The following VPS13D variants were observed in gnomAD, a reference collection of about 807,000 sequenced individuals.
VPS13D encodes intermembrane lipid transfer protein VPS13D.
A neutral mutation model predicts 461.9 loss-of-function variants in VPS13D; 187 were observed. The ratio of observed to expected loss-of-function variants is 0.40; its 90% CI spans 0.36 to 0.46. The LOEUF (loss-of-function observed/expected upper bound fraction) is 0.46, where lower values mean the gene tolerates loss of function less well. VPS13D is among the 20% of genes least tolerant of loss of function. VPS13D has a pLI of 0.60. For synonymous variants in VPS13D, 1,951 were observed against 1,986.3 expected, an observed-to-expected ratio of 0.98 and a Z score of 0.47; for missense variants, 4,711 against 5,364.9, an observed-to-expected ratio of 0.88 and a Z score of 3.81.
At position 12,470,270 on chromosome 1, in the gene VPS13D, C is replaced by T. The variant is rs550823141; in HGVS notation, c.12662+9874C>T. Among the ~76,000 whole-genome samples, 9 of 152,288 alleles carry T rather than the reference C, an allele frequency of 5.9e-5. No individual in the cohort carries two copies. In the East Asian group the frequency reaches 7.7e-4, roughly 13 times the overall value. On this transcript the variant is annotated intron_variant, in intron 67 of 69. Coordinates refer to ENST00000620676, the MANE Select transcript of VPS13D (RefSeq NM_015378.4). Reference sequence around the variant, plus strand: ...CTGGCTAGAATCCATGGTAACCTCGCGGAGTAATGCCAGGATGGACAGAGG... The same window carrying T: ...CTGGCTAGAATCCATGGTAACCTCGTGGAGTAATGCCAGGATGGACAGAGG...
rs114861562 is a variant in VPS13D, at chr1:12,311,072, T to A, written c.6651-382T>A. Among the ~76,000 whole-genome samples the A allele has an allele frequency of 2.9e-3, 445 of 151,782 alleles. 1 individual carries two copies. The highest frequency in any genetic ancestry group is 5.8e-3 in the South Asian group (28 of 4,790). ...CTGGGACCACAAGTGCACACCACCA[T>A]GCCCAGTTAATTTTTGCATTTTTTG... On this transcript the variant is annotated intron_variant, in intron 27 of 69. Coordinates refer to ENST00000620676, the MANE Select transcript of VPS13D (RefSeq NM_015378.4).
intron 65 of VPS13D, among the ~76,000 whole-genome samples, chr1:12,454,633 A>G (rs1283788456): frequency 6.6e-6 from 1 of 152,194 alleles, no homozygotes; most frequent in Non-Finnish European, 1.5e-5. Flanking sequence ...ACTCACTGTC[A>G]CATGTGTCAA....
intron 65 of VPS13D, among the ~76,000 whole-genome samples, chr1:12,453,600 C>T (rs1645290826): frequency 6.6e-6 from 1 of 152,180 alleles, no homozygotes; most frequent in Non-Finnish European, 1.5e-5. Flanking sequence ...TAATTCTAAA[C>T]ATAGCAGGCA....
chr1:12,411,083 T>C (rs1289998122), intron 63 of VPS13D, among the ~76,000 whole-genome samples: 1 of 152,228 alleles, frequency 6.6e-6, no homozygotes, highest in Non-Finnish European at 1.5e-5. Flanking sequence ...CTTTCACCGT[T>C]ACACGGGAGT....
chr1:12,256,156 C>A, intron 7 of VPS13D, 177 bp from the exon 8 acceptor site: 1 of 634,106 alleles, frequency 1.6e-6, no homozygotes, highest in East Asian at 3.0e-5. Flanking sequence ...TAGTGAGATC[C>A]TGTCCCTATA....
At chr1:12,503,960 C>T (rs528414648) in intron 68 of VPS13D, among the ~76,000 whole-genome samples, 6 of 152,120 alleles carry the variant, frequency 3.9e-5, no homozygotes, top group South Asian at 2.1e-4. Context: ...GGAAAGGGAA[C>T]GGAAGAAGGT....
At chr1:12,271,406 C>G (rs1248838208) in intron 17 of VPS13D, among the ~76,000 whole-genome samples, 1 of 152,170 alleles carries the variant, frequency 6.6e-6, no homozygotes, top group Non-Finnish European at 1.5e-5. Context: ...CTATGGCTCA[C>G]ACCTGTAATC....
At chr1:12,386,475 T>G (rs556835792) in intron 60 of VPS13D, 141 bp downstream of exon 60, 1 of 1,015,666 alleles carries the variant, frequency 9.8e-7, no homozygotes, top group Non-Finnish European at 1.4e-6. Context: ...TGTGAAATAG[T>G]TGTTTCTACC....
At chr1:12,300,161 A>G (rs1453915564) in intron 25 of VPS13D, among the ~76,000 whole-genome samples, 2 of 148,182 alleles carry the variant, frequency 1.3e-5, no homozygotes, top group African/African-American at 2.5e-5. Flanking sequence ...TGGATACTCA[A>G]TGTTTAGCTC....
At chr1:12,400,072 G>A in intron 60 of VPS13D, 109 bp from the exon 61 acceptor site, 1 of 1,235,638 alleles carries the variant, frequency 8.1e-7, no homozygotes, top group Non-Finnish European at 1.1e-6. Context: ...AATGACAAGG[G>A]TACTTTCTGA....
chr1:12,461,617 G>A (rs1645413845), intron 67 of VPS13D, among the ~76,000 whole-genome samples: 2 of 152,158 alleles, frequency 1.3e-5, no homozygotes, highest in Admixed American at 6.5e-5. Context: ...TTCCATCTCT[G>A]CTCGAAGCCC....
chr1:12,508,280 G>A (rs1254394735), intron 69 of VPS13D, among the ~76,000 whole-genome samples: 5 of 152,290 alleles, frequency 3.3e-5, no homozygotes, highest in Admixed American at 6.5e-5. Context: ...TCCTTCATCA[G>A]CCATCACCAG....
At position 12,299,685 on chromosome 1, in the gene VPS13D, C is replaced by G. The variant is rs899223005; in HGVS notation, c.6216+301C>G. Among the ~76,000 whole-genome samples, 1 of 152,122 alleles carries G rather than the reference C, an allele frequency of 6.6e-6. No individual in the cohort carries two copies. The highest frequency in any genetic ancestry group is 2.4e-5 in the African/African-American group (1 of 41,400). ...AACTCTTAGTAAATGTAGGTAGTAA[C>G]TTGTTTTAGCAAACAAACCAATGGA... On this transcript the variant is annotated intron_variant, in intron 25 of 69. Transcript: ENST00000620676. This position sits in a 1 kb window ranked among gnomAD's most constrained non-coding sequence, Gnocchi z 4.2.
rs568588017 is a variant in VPS13D at position 12,355,371 on chromosome 1, G to A, written c.9680-528G>A. Among the ~76,000 whole-genome samples, 7 of 152,288 alleles carry A rather than the reference G, an allele frequency of 4.6e-5. No homozygotes were observed. In the East Asian group the frequency reaches 1.3e-3, roughly 29 times the overall value. On this transcript the variant is annotated intron_variant, in intron 47 of 69. Transcript: ENST00000620676. ...TGCAACACTTGAAACAAAGAGGAAT[G>A]GTGATCATGGTTAACAATATTGTAT...
intron 67 of VPS13D, among the ~76,000 whole-genome samples, chr1:12,493,835 ACT>A (rs1273008200): frequency 2.0e-5 from 3 of 151,854 alleles, no homozygotes; most frequent in African/African-American, 7.3e-5. Context: ...GACTTCAAAT[ACT>A]CTCCCCCTAC....
Position 12,401,743 on chromosome 1 carries a change from T to C in VPS13D, c.11881+39T>C, listed in dbSNP as rs777904686. ...TTCTATGTCTGTGTTTGGGAATTGGTCCAAAGATGGTATTTTTGAGTCTGT... is the reference window on the plus strand; with the variant it reads ...TTCTATGTCTGTGTTTGGGAATTGGCCCAAAGATGGTATTTTTGAGTCTGT... On this transcript the variant is annotated intron_variant, in intron 62 of 69. Transcript: ENST00000620676. 4 of 1,545,848 alleles carry C rather than the reference T, an allele frequency of 2.6e-6. No homozygotes were observed. In the South Asian group the frequency reaches 4.5e-5, roughly 17 times the overall value.
intron 60 of VPS13D, among the ~76,000 whole-genome samples, chr1:12,397,752 T>C (rs770518882): frequency 1.3e-5 from 2 of 152,200 alleles, no homozygotes; most frequent in Non-Finnish European, 2.9e-5. Context: ...AGTGCTACTT[T>C]AGAAAAAGTG....
intron 62 of VPS13D, 129 bp from the exon 63 acceptor site, chr1:12,403,696 A>G (rs1340748575): frequency 2.3e-6 from 2 of 861,636 alleles, no homozygotes; most frequent in Non-Finnish European, 3.5e-6. Context: ...TACCCTCACA[A>G]ACTAAATCGA....
chr1:12,440,049 T>G (rs1557440208), intron 65 of VPS13D, among the ~76,000 whole-genome samples: 1 of 152,218 alleles, frequency 6.6e-6, no homozygotes, highest in African/African-American at 2.4e-5. Flanking sequence ...GAATACTGCA[T>G]TAGAATCTCT....
Sources: gnomAD v4.1 joint callset for allele counts (sites outside exome capture counted in the v4.1 genomes callset) on GRCh38, gnomAD v4.1.1 for gene constraint, Gnocchi (gnomAD v3.1) non-coding constraint, MANE v1.5 for transcripts, NCBI Gene and HGNC (gene_info 2026-07-23, HGNC 2026-07-21) for gene names.